NRG1: variants seen among roughly 807,000 people sequenced by gnomAD.
NRG1 encodes the protein pro-neuregulin-1, membrane-bound isoform.
Under a neutral mutation model 63.8 loss-of-function variants are expected in NRG1, and 18 were observed. The ratio of observed to expected loss-of-function variants is 0.28; its 90% CI spans 0.19 to 0.42. NRG1 has a LOEUF of 0.42. Among genes scored for constraint, NRG1 ranks in the 10% least tolerant of loss-of-function variants. The pLI is 1.00. For missense variants in NRG1, 762 were observed against 814.7 expected (o/e 0.94, Z 0.79); for synonymous variants, 302 against 301.3 (o/e 1.00, Z -0.02).
chr8:32,495,195 T>G (rs2129495423), intron 1 of NRG1, among the ~76,000 whole-genome samples: 1 of 152,300 alleles, frequency 6.6e-6, no homozygotes, highest in Non-Finnish European at 1.5e-5. Context: ...AATTCGCACG[T>G]CATGGGAGGG....
intron 1 of NRG1, among the ~76,000 whole-genome samples, chr8:32,082,837 T>C (rs907450201): frequency 6.6e-5 from 10 of 152,134 alleles, no homozygotes; most frequent in African/African-American, 2.4e-4. Context: ...ATAAAATATA[T>C]GTTTAACTGT....
intron 1 of NRG1, among the ~76,000 whole-genome samples, chr8:31,682,201 T>C (rs917950112): frequency 6.6e-6 from 1 of 152,192 alleles, no homozygotes. Flanking sequence ...GTGGCAATCA[T>C]ACAGTAGGTA....
At chr8:31,695,884 G>A (rs1216339060) in intron 1 of NRG1, among the ~76,000 whole-genome samples, 1 of 152,054 alleles carries the variant, frequency 6.6e-6, no homozygotes, top group Non-Finnish European at 1.5e-5. Flanking sequence ...AAGAAGCTTA[G>A]AATTGTGGAG....
chr8:32,069,320 G>A (rs917585922), intron 1 of NRG1, among the ~76,000 whole-genome samples: 1 of 152,182 alleles, frequency 6.6e-6, no homozygotes, highest in African/African-American at 2.4e-5. Flanking sequence ...TATGTTATGG[G>A]AGATCATCAA....
intron 1 of NRG1, among the ~76,000 whole-genome samples, chr8:32,173,616 C>T (rs967417294): frequency 1.3e-5 from 2 of 152,072 alleles, no homozygotes; most frequent in Admixed American, 6.6e-5. Flanking sequence ...CAGAGACACA[C>T]ATAGGCTCAA....
intron 1 of NRG1, among the ~76,000 whole-genome samples, chr8:31,665,593 G>T (rs1313625198): frequency 6.6e-6 from 1 of 152,186 alleles, no homozygotes; most frequent in Non-Finnish European, 1.5e-5. Flanking sequence ...TATTTAACTT[G>T]TAGCATTTTA....
At chr8:31,881,977 C>T (rs1275199438) in intron 1 of NRG1, among the ~76,000 whole-genome samples, 1 of 152,084 alleles carries the variant, frequency 6.6e-6, no homozygotes, top group African/African-American at 2.4e-5. Flanking sequence ...GAAGATCTAG[C>T]TAAGATTATT....
intron 1 of NRG1, among the ~76,000 whole-genome samples, chr8:32,529,665 A>AAC (rs941587780): frequency 3.9e-5 from 6 of 151,936 alleles, no homozygotes; most frequent in South Asian, 4.1e-4. Flanking sequence ...GCACACATTA[A>AAC]ACACACACAC....
chr8:32,215,834 G>A (rs1446791322), intron 1 of NRG1, among the ~76,000 whole-genome samples: 2 of 152,104 alleles, frequency 1.3e-5, no homozygotes, highest in Non-Finnish European at 2.9e-5. Flanking sequence ...TTGAGCCCAG[G>A]AGTTCAAGCC....
intron 1 of NRG1, among the ~76,000 whole-genome samples, chr8:32,462,595 CTTTTTTTTTTTTTTTT>C (rs58485445): frequency 0.01 from 743 of 72,360 alleles, 16 homozygotes; most frequent in African/African-American, 0.036. Flanking sequence ...CACACTGATT[CTTTTTTTTTTTTTTTT>C]TTTTTTTTTG....
At chr8:32,695,916 C>G (rs566578713) in intron 5 of NRG1, among the ~76,000 whole-genome samples, 1 of 152,242 alleles carries the variant, frequency 6.6e-6, no homozygotes, top group Admixed American at 6.5e-5. Context: ...AAAGAATGTG[C>G]CCAGTGCTTT....
chr8:31,897,983 C>G (rs1034208820), intron 1 of NRG1, among the ~76,000 whole-genome samples: 1 of 144,316 alleles, frequency 6.9e-6, no homozygotes, highest in Non-Finnish European at 1.5e-5. Flanking sequence ...CACCATTGCA[C>G]TCCAGCCTGG....
intron 1 of NRG1, among the ~76,000 whole-genome samples, chr8:32,487,968 G>T (rs978738607): frequency 1.3e-5 from 2 of 152,148 alleles, no homozygotes; most frequent in African/African-American, 4.8e-5. Context: ...GCAGCTCATG[G>T]TTCTAATTGT....
intron 1 of NRG1, among the ~76,000 whole-genome samples, chr8:31,787,730 T>C (rs1265098228): frequency 6.6e-6 from 1 of 152,200 alleles, no homozygotes; most frequent in Non-Finnish European, 1.5e-5. Context: ...ATACTAATGT[T>C]ATATATGTAC....
chr8:32,516,646 C>T (rs567666954), intron 1 of NRG1, among the ~76,000 whole-genome samples: 1 of 152,250 alleles, frequency 6.6e-6, no homozygotes, highest in East Asian at 1.9e-4. Context: ...TCTTCCATCT[C>T]CTTGCTTAGA....
chr8:31,682,557 C>A (rs562552315), intron 1 of NRG1, among the ~76,000 whole-genome samples: 1 of 152,182 alleles, frequency 6.6e-6, no homozygotes, highest in South Asian at 2.1e-4. Context: ...AAGATGCAAG[C>A]ACTGGGGAAA....
chr8:32,667,723 A>G (rs1804564050), intron 5 of NRG1, among the ~76,000 whole-genome samples: 1 of 152,146 alleles, frequency 6.6e-6, no homozygotes, highest in Non-Finnish European at 1.5e-5. Flanking sequence ...TCAATCATTT[A>G]TAAGATCTCT....
chr8:31,771,709 G>C (rs903269987), intron 1 of NRG1, among the ~76,000 whole-genome samples: 2 of 152,140 alleles, frequency 1.3e-5, no homozygotes, highest in Non-Finnish European at 2.9e-5. Context: ...CAAAGTCAAA[G>C]AATGGTGCAT....
intron 1 of NRG1, among the ~76,000 whole-genome samples, chr8:32,425,193 C>T (rs764387647): frequency 2.0e-5 from 3 of 152,196 alleles, no homozygotes; most frequent in Non-Finnish European, 4.4e-5. Flanking sequence ...AAGAAAACAT[C>T]TAAATGCATG....
Sources: gnomAD v4.1 joint callset for allele counts (sites outside exome capture counted in the v4.1 genomes callset) on GRCh38, gnomAD v4.1.1 for gene constraint, MANE v1.5 for transcripts, NCBI Gene and HGNC (gene_info 2026-07-23, HGNC 2026-07-21) for gene names.